Variants in TANGO2 observed in about 807,000 individuals in gnomAD.
TANGO2 encodes the protein transport and golgi organization 2 homolog, also known as transport and Golgi organization protein 2 homolog.
A neutral mutation model predicts 39.1 loss-of-function variants in TANGO2; 26 were observed. That is an observed-to-expected ratio of 0.67 (90% CI 0.49 to 0.92). The LOEUF is 0.92. TANGO2 is among the 40% of genes least tolerant of loss of function. The pLI is 0.00. For missense variants in TANGO2, 326 were observed against 360.1 expected (o/e 0.91, Z 0.77); for synonymous variants, 131 against 144.5 (o/e 0.91, Z 0.67).
At chr22:20,054,061 C>A in intron 5 of TANGO2, 1 of 282,018 alleles carries the variant, frequency 3.5e-6, no homozygotes, top group Non-Finnish European at 7.0e-6. Context: ...GGGCCTTCTG[C>A]CAGGACAGGC....
chr22:20,024,196 C>T (rs937978190), intron 1 of TANGO2, among the ~76,000 whole-genome samples: 6 of 152,078 alleles, frequency 3.9e-5, no homozygotes, highest in Non-Finnish European at 7.4e-5. Context: ...CCAGCCTGGG[C>T]GACAAGAGCA....
At chr22:20,064,298 G>A (rs916182905) in intron 8 of TANGO2, among the ~76,000 whole-genome samples, 1 of 152,210 alleles carries the variant, frequency 6.6e-6, no homozygotes, top group Non-Finnish European at 1.5e-5. Context: ...AGGGTGGGGT[G>A]GTTCCCAGTG....
chr22:20,051,019 G>A (rs1014471653), intron 3 of TANGO2, among the ~76,000 whole-genome samples: 5 of 150,652 alleles, frequency 3.3e-5, no homozygotes, highest in Admixed American at 6.6e-5. Context: ...GCACCACCAC[G>A]CCTGGCTAAT....
upstream of TANGO2, among the ~76,000 whole-genome samples, chr22:20,019,746 A>G (rs958148706): frequency 6.6e-6 from 1 of 152,156 alleles, no homozygotes; most frequent in Non-Finnish European, 1.5e-5. Context: ...CTTGTCCACC[A>G]CCACCACCTC....
intron 1 of TANGO2, among the ~76,000 whole-genome samples, chr22:20,034,871 C>G (rs572092796): frequency 6.6e-6 from 1 of 152,220 alleles, no homozygotes; most frequent in Non-Finnish European, 1.5e-5. Context: ...CCACGCTCTC[C>G]GAACTGTTGG....
intron 3 of TANGO2, among the ~76,000 whole-genome samples, chr22:20,047,533 C>T (rs1271178036): frequency 2.0e-5 from 3 of 152,158 alleles, no homozygotes; most frequent in Non-Finnish European, 4.4e-5. Context: ...CCTCACCCAG[C>T]CCGGGGATCA....
intron 1 of TANGO2, among the ~76,000 whole-genome samples, chr22:20,029,042 G>A (rs1010149229): frequency 6.6e-6 from 1 of 152,258 alleles, no homozygotes; most frequent in Non-Finnish European, 1.5e-5. Context: ...CTCTCTGCCT[G>A]TGGCTCTGGC....
At chr22:20,047,303 G>A (rs1440580183) in intron 3 of TANGO2, among the ~76,000 whole-genome samples, 2 of 148,528 alleles carry the variant, frequency 1.3e-5, no homozygotes, top group Non-Finnish European at 3.0e-5. Flanking sequence ...GCACGATCTC[G>A]GCTCACCACA....
chr22:20,022,735 C>G (rs1328507890), intron 1 of TANGO2, among the ~76,000 whole-genome samples: 1 of 152,248 alleles, frequency 6.6e-6, no homozygotes, highest in Non-Finnish European at 1.5e-5. Flanking sequence ...CGGTGCCCAC[C>G]CAAGGGTGCT....
At chr22:20,056,641 C>A (rs1227675213) in intron 6 of TANGO2, 1 of 456,616 alleles carries the variant, frequency 2.2e-6, no homozygotes, top group African/African-American at 2.0e-5. Context: ...AGTGCCCCAA[C>A]CTGGAGAGAA....
At chr22:20,060,347 T>TC (rs2048148233) in intron 6 of TANGO2, among the ~76,000 whole-genome samples, 1 of 53,246 alleles carries the variant, frequency 1.9e-5, no homozygotes, top group African/African-American at 8.7e-5. Flanking sequence ...AGACTCCGTC[T>TC]CAAAAAAAAA....
chr22:20,031,128 G>A (rs2041770334), intron 1 of TANGO2, among the ~76,000 whole-genome samples: 1 of 152,048 alleles, frequency 6.6e-6, no homozygotes, highest in African/African-American at 2.4e-5. Context: ...AACCAGGGAG[G>A]AGGAGGCTGC....
At chr22:20,023,802 G>A (rs921721008) in intron 1 of TANGO2, among the ~76,000 whole-genome samples, 8 of 151,452 alleles carry the variant, frequency 5.3e-5, no homozygotes, top group Middle Eastern at 3.2e-3. Context: ...AGCTTGCAGT[G>A]AGCCGGGATC....
chr22:20,056,284 G>A (rs1168327696), intron 6 of TANGO2: 6 of 652,904 alleles, frequency 9.2e-6, no homozygotes, highest in Middle Eastern at 2.4e-4. Flanking sequence ...CAGCCCAGCC[G>A]GCCACCCCCA....
At chr22:20,060,092 G>A (rs1472289036) in intron 6 of TANGO2, among the ~76,000 whole-genome samples, 1 of 152,002 alleles carries the variant, frequency 6.6e-6, no homozygotes, top group Non-Finnish European at 1.5e-5. Context: ...GCTCACGCCT[G>A]TAATCCCAGC....
intron 2 of TANGO2, among the ~76,000 whole-genome samples, chr22:20,038,880 T>C (rs1028181555): frequency 1.3e-5 from 2 of 151,696 alleles, no homozygotes; most frequent in African/African-American, 4.8e-5. Flanking sequence ...GCTGGACTCC[T>C]CACCTGTGGA....
chr22:20,057,704 G>C lies in TANGO2; in HGVS notation c.451+1691G>C, dbSNP rs1311591175. 6.6e-6 allele frequency among the ~76,000 whole-genome samples: 1 copy of C among 152,204 alleles called. No individual in the cohort carries two copies. Among genetic ancestry groups the C allele is most frequent in the Non-Finnish European group, 1.5e-5 (1 of 68,030 alleles). On this transcript the variant is annotated intron_variant, in intron 6 of 8. Transcript: ENST00000327374. This position sits in a 1 kb window ranked among gnomAD's most constrained non-coding sequence, Gnocchi z 4.1. ...GCCCCAGAACCTCCGCATCAGTTGA[G>C]GGTCGTGGGGTTGGAATGTGTGGCG...
intron 6 of TANGO2, chr22:20,058,209 A>G (rs1414456422): frequency 1.3e-5 from 2 of 152,072 alleles, no homozygotes; most frequent in Non-Finnish European, 2.9e-5. Flanking sequence ...GCCACTCCCC[A>G]TTCCCCGTCT....
chr22:20,063,325 C>G lies in TANGO2; in HGVS notation c.606-13C>G. 1 of 1,611,762 alleles carries G rather than the reference C, an allele frequency of 6.2e-7. No individual in the cohort carries two copies. Among genetic ancestry groups the G allele is most frequent in the South Asian group, 1.1e-5 (1 of 90,898 alleles). On this transcript the variant is annotated splice_polypyrimidine_tract_variant and intron_variant, in intron 7 of 8. Transcript: ENST00000327374. ...AGAGGGACTAATGGCCACCACTTCT[C>G]TCCATCCTGCAGGCAGCTGCCAGAC...
Sources: gnomAD v4.1 joint callset for allele counts (sites outside exome capture counted in the v4.1 genomes callset) on GRCh38, gnomAD v4.1.1 for gene constraint, Gnocchi (gnomAD v3.1) non-coding constraint, MANE v1.5 for transcripts, NCBI Gene and HGNC (gene_info 2026-07-23, HGNC 2026-07-21) for gene names.